CADM1: variants seen among roughly 807,000 people sequenced by gnomAD.
CADM1 encodes cell adhesion molecule 1, also known as TSLC-1.
CADM1 carries 15 observed loss-of-function variants against 53.1 expected under a neutral mutation model. The ratio of observed to expected loss-of-function variants is 0.28; its 90% confidence interval spans 0.19 to 0.44. CADM1 has a LOEUF of 0.44. CADM1 is among the 20% of genes least tolerant of loss of function. CADM1 has a pLI of 1.00. For missense variants in CADM1, 434 were observed against 611.3 expected, an observed-to-expected ratio of 0.71 and a Z score of 3.06; for synonymous variants, 281 against 243.0, an observed-to-expected ratio of 1.16 and a Z score of -1.45.
chr11:115,231,664 A>G (rs1388425410), intron 3 of CADM1, among the ~76,000 whole-genome samples, 174 bp from the exon 4 acceptor site: 1 of 152,238 alleles, frequency 6.6e-6, no homozygotes, highest in Non-Finnish European at 1.5e-5. Context: ...CAGTTAATTT[A>G]GAATTTCTAT....
chr11:115,461,114 A>AAC (rs149383269), intron 1 of CADM1, among the ~76,000 whole-genome samples: 4,152 of 150,860 alleles, frequency 0.028, 89 homozygotes, highest in African/African-American at 0.045. Context: ...TGGAAATGGA[A>AAC]ACACACACAC....
At chr11:115,210,545 A>G (rs75470504) in intron 7 of CADM1, among the ~76,000 whole-genome samples, 1,539 of 152,308 alleles carry the variant, frequency 0.01, 35 homozygotes, top group African/African-American at 0.034. Flanking sequence ...CTAAGCCCAA[A>G]TGATCAAACT....
At chr11:115,196,623 A>AAAAACG (rs1565291008) in intron 9 of CADM1, among the ~76,000 whole-genome samples, 2 of 140,152 alleles carry the variant, frequency 1.4e-5, no homozygotes, top group Non-Finnish European at 3.0e-5. Context: ...AAAAAAAATC[A>AAAAACG]CAAAACAATC....
chr11:115,174,441 G>A lies in CADM1; in HGVS notation c.*2033C>T. 1.0e-6 allele frequency: 1 copy of A among 985,660 alleles called. No homozygotes were observed. The allele number at this position is 985,660 out of a possible 1,614,324, so 61.1% of individuals were successfully genotyped here. A position where few individuals can be genotyped will look rare whatever the true frequency, so the allele number is the denominator to read the frequency against. On this transcript the variant is annotated 3_prime_UTR_variant, in exon 12 of 12. Transcript: ENST00000331581. Reference sequence around the variant, plus strand: ...CAGATTATAAAATTCATTGAAAAAGGGATGTTCATTGTGGCTTTTTGTCTT... The same window carrying A: ...CAGATTATAAAATTCATTGAAAAAGAGATGTTCATTGTGGCTTTTTGTCTT...
chr11:115,320,139 C>G (rs1944782877), intron 1 of CADM1, among the ~76,000 whole-genome samples: 1 of 152,250 alleles, frequency 6.6e-6, no homozygotes, highest in African/African-American at 2.4e-5. Context: ...TCATAGCTCA[C>G]TGCAGCCTAA....
chr11:115,452,335 G>A (rs1948592765), intron 1 of CADM1, among the ~76,000 whole-genome samples: 1 of 152,096 alleles, frequency 6.6e-6, no homozygotes, highest in Non-Finnish European at 1.5e-5. Context: ...AAATCCATTT[G>A]AATTACAGCT....
rs184051918 is a variant in CADM1, at chr11:115,244,218, A to C, written c.125-3798T>G. Among the ~76,000 whole-genome samples, 738 of 152,384 alleles carry C rather than the reference A, an allele frequency of 4.8e-3. 7 individuals are homozygous for C. The highest frequency in any genetic ancestry group is 0.017 in the African/African-American group (710 of 41,598). ...CTAAAGAAAGATAAAATATATTTTT[A>C]TGATTAGTAATGACCATGATAGCAG... On this transcript the variant is annotated intron_variant, in intron 1 of 11. Coordinates refer to ENST00000331581, the MANE Select transcript of CADM1 (RefSeq NM_001301043.2).
At chr11:115,430,105 T>C (rs1196865408) in intron 1 of CADM1, among the ~76,000 whole-genome samples, 1 of 151,880 alleles carries the variant, frequency 6.6e-6, no homozygotes, top group Admixed American at 6.5e-5. Flanking sequence ...ACCCCGCAAA[T>C]GAAACATTAT....
intron 1 of CADM1, among the ~76,000 whole-genome samples, chr11:115,455,120 TC>T (rs1301778599): frequency 2.6e-5 from 4 of 152,190 alleles, no homozygotes; most frequent in Admixed American, 6.5e-5. Flanking sequence ...TCAGATACAT[TC>T]TTTTCTTTTT....
intron 10 of CADM1, among the ~76,000 whole-genome samples, chr11:115,187,891 G>A (rs1288041648): frequency 3.9e-5 from 6 of 152,268 alleles, no homozygotes; most frequent in South Asian, 4.1e-4. Context: ...TTTTTGGATC[G>A]TGAGGGACAT....
chr11:115,233,416 G>A (rs1019281160), intron 3 of CADM1, among the ~76,000 whole-genome samples: 1 of 152,190 alleles, frequency 6.6e-6, no homozygotes, highest in Non-Finnish European at 1.5e-5. Context: ...TCAACTAGCT[G>A]TATCTTTCAC....
At chr11:115,344,635 G>C (rs1352133584) in intron 1 of CADM1, among the ~76,000 whole-genome samples, 1 of 152,126 alleles carries the variant, frequency 6.6e-6, no homozygotes, top group East Asian at 1.9e-4. Context: ...CCATTGACTG[G>C]AGTCAGGGTG....
At chr11:115,427,937 C>T (rs1035888937) in intron 1 of CADM1, among the ~76,000 whole-genome samples, 7 of 134,644 alleles carry the variant, frequency 5.2e-5, no homozygotes, top group Admixed American at 8.5e-5. Context: ...GCCCATGAGG[C>T]GGAGCTTGCA....
At position 115,275,243 on chromosome 11, in the gene CADM1, C is replaced by T. The variant is rs559298370; in HGVS notation, c.125-34823G>A. On this transcript the variant is annotated intron_variant, in intron 1 of 11. Coordinates refer to ENST00000331581, the MANE Select transcript of CADM1 (RefSeq NM_001301043.2). Reference sequence around the variant, plus strand: ...CGTCCTCTCACCCATGTCCTCCTCTCGCCCACGTCTTTCTCACCCCTTGGC... The same window carrying T: ...CGTCCTCTCACCCATGTCCTCCTCTTGCCCACGTCTTTCTCACCCCTTGGC... Among the ~76,000 whole-genome samples the T allele has an allele frequency of 2.0e-5, 3 of 152,278 alleles. No homozygotes were observed. In the South Asian group the frequency reaches 6.2e-4, roughly 32 times the overall value.
At chr11:115,426,902 T>C (rs1048252202) in intron 1 of CADM1, among the ~76,000 whole-genome samples, 1 of 152,146 alleles carries the variant, frequency 6.6e-6, no homozygotes, top group Non-Finnish European at 1.5e-5. Flanking sequence ...TTTCCTGGCA[T>C]GTATATTAAC....
intron 1 of CADM1, among the ~76,000 whole-genome samples, chr11:115,262,264 T>C (rs1213073267): frequency 1.3e-5 from 2 of 152,098 alleles, no homozygotes; most frequent in Non-Finnish European, 2.9e-5. Context: ...TATGGATACA[T>C]ATAAACAACT....
At chr11:115,488,196 C>T (rs1014579032) in intron 1 of CADM1, among the ~76,000 whole-genome samples, 1 of 152,120 alleles carries the variant, frequency 6.6e-6, no homozygotes, top group Admixed American at 6.5e-5. Context: ...TATGTAGCTA[C>T]AAGGCAAGCA....
intron 3 of CADM1, among the ~76,000 whole-genome samples, chr11:115,232,525 A>T (rs1435314739): frequency 1.3e-5 from 2 of 152,260 alleles, no homozygotes; most frequent in South Asian, 4.1e-4. Context: ...AAGTAGATTT[A>T]CATATCAGAA....
intron 1 of CADM1, among the ~76,000 whole-genome samples, chr11:115,454,201 T>C (rs949501748): frequency 1.3e-5 from 2 of 151,410 alleles, no homozygotes; most frequent in African/African-American, 4.9e-5. Context: ...TCTTGCAGCA[T>C]AAAAAAAAAG....
Sources: allele counts gnomAD v4.1 joint callset (sites outside exome capture counted in the v4.1 genomes callset), GRCh38; gene constraint gnomAD v4.1.1; transcripts MANE v1.5; gene names NCBI Gene and HGNC (gene_info 2026-07-23, HGNC 2026-07-21).